CACNA1E: variants seen among roughly 807,000 people sequenced by gnomAD.
The protein encoded by CACNA1E is calcium voltage-gated channel subunit alpha1 E.
A neutral mutation model predicts 259.2 loss-of-function variants in CACNA1E; 40 were observed. The observed-to-expected ratio is 0.15, with a 90% confidence interval of 0.12 to 0.20. The LOEUF (loss-of-function observed/expected upper bound fraction) is 0.20, where lower values mean the gene tolerates loss of function less well. Among genes scored for constraint, CACNA1E ranks in the 10% least tolerant of loss-of-function variants. The pLI is 1.00. For synonymous variants in CACNA1E, 1,104 were observed against 1,138.5 expected (o/e 0.97, Z 0.61); for missense variants, 1,874 against 3,040.1 (o/e 0.62, Z 9.02).
At chr1:181,344,291 T>C (rs1416661777) in intron 1 of CACNA1E, among the ~76,000 whole-genome samples, 1 of 152,172 alleles carries the variant, frequency 6.6e-6, no homozygotes, top group Non-Finnish European at 1.5e-5. Context: ...AATCAGTACA[T>C]CAAACGTACT....
At chr1:181,327,861 TG>T (rs1650916291) in intron 1 of CACNA1E, among the ~76,000 whole-genome samples, 1 of 152,144 alleles carries the variant, frequency 6.6e-6, no homozygotes, top group Non-Finnish European at 1.5e-5. Flanking sequence ...CACAATTCTG[TG>T]GGTTGGCTGG....
chr1:181,657,813 G>A, intron 7 of CACNA1E, among the ~76,000 whole-genome samples: 1 of 152,226 alleles, frequency 6.6e-6, no homozygotes, highest in East Asian at 1.9e-4. Context: ...TGTTTATTTT[G>A]AGTGGAGAGT....
At chr1:181,763,230 G>C (rs541066188) in intron 33 of CACNA1E, among the ~76,000 whole-genome samples, 176 bp from the exon 34 acceptor site, 1 of 152,260 alleles carries the variant, frequency 6.6e-6, no homozygotes, top group South Asian at 2.1e-4. Context: ...GAGCAGGCAT[G>C]GGAAGGCTTA....
Position 181,783,918 on chromosome 1 carries a change from T to C in CACNA1E, c.5470+134T>C, listed in dbSNP as rs979535239. On this transcript the variant is annotated intron_variant, in intron 40 of 47. Coordinates refer to ENST00000367573, the MANE Select transcript of CACNA1E (RefSeq NM_001205293.3). The stretch of plus-strand genomic sequence containing the variant: ...ATAATGCAGTCATCTGAACATCAAG[T>C]ATCTGACTCAATAACTAATAATTGC... 12 of 583,020 alleles carry C rather than the reference T, an allele frequency of 2.1e-5. No individual in the cohort carries two copies. In the Admixed American group the frequency reaches 3.0e-4, roughly 14 times the overall value. The allele number at this position is 583,020 out of a possible 1,614,324, so 36.1% of individuals were successfully genotyped here.
rs547677804 is a variant in CACNA1E, at chr1:181,684,709, TCC to T, written c.1056-26243_1056-26242del. 1.1e-4 allele frequency among the ~76,000 whole-genome samples: 16 copies of T among 152,276 alleles called. No individual in the cohort carries two copies. The South Asian group carries it at 3.3e-3, about 32-fold the overall frequency. The stretch of plus-strand genomic sequence containing the variant: ...TCTTTTGCATATGGCTAACCAGCTA[TCC>T]CAGCACCGTTTATTGAATATGGAGT... On this transcript the variant is annotated intron_variant, in intron 7 of 47. Transcript: ENST00000367573.
chr1:181,386,906 G>T (rs897116370), intron 1 of CACNA1E, among the ~76,000 whole-genome samples: 1 of 152,216 alleles, frequency 6.6e-6, no homozygotes, highest in Non-Finnish European at 1.5e-5. Context: ...CACGCTTTGA[G>T]TGGGGACCGC....
At chr1:181,686,944 C>T (rs928287766) in intron 7 of CACNA1E, among the ~76,000 whole-genome samples, 2 of 152,084 alleles carry the variant, frequency 1.3e-5, no homozygotes, top group African/African-American at 4.8e-5. Context: ...TCCTGGGTGA[C>T]ATGTGGTGCC....
intron 6 of CACNA1E, among the ~76,000 whole-genome samples, chr1:181,622,843 C>T (rs1655846707): frequency 6.6e-6 from 1 of 152,078 alleles, no homozygotes; most frequent in African/African-American, 2.4e-5. Flanking sequence ...AGCCTGGATC[C>T]AGAAGATGCA....
intron 6 of CACNA1E, among the ~76,000 whole-genome samples, chr1:181,587,046 A>T (rs1324074982): frequency 6.6e-6 from 1 of 152,114 alleles, no homozygotes; most frequent in African/African-American, 2.4e-5. Context: ...GGATTGGCTT[A>T]GATAGGAGCT....
intron 1 of CACNA1E, among the ~76,000 whole-genome samples, chr1:181,341,997 C>T (rs1009201176): frequency 2.6e-5 from 4 of 152,112 alleles, no homozygotes; most frequent in Non-Finnish European, 5.9e-5. Context: ...TGGAAGGAAA[C>T]AGGACAAGGG....
rs1340061580 is a variant in CACNA1E, at chr1:181,805,082, AT to A, written c.*6249del. On this transcript the variant is annotated 3_prime_UTR_variant, in exon 48 of 48. Coordinates refer to ENST00000367573, the MANE Select transcript of CACNA1E (RefSeq NM_001205293.3). ...AACCCAGCATTGGAAATCTGAACGA[AT>A]CTTTTCTCTTTTTGTCCTACAAGTT... The A allele has an allele frequency of 6.6e-6, 1 of 152,066 alleles. No individual in the cohort carries two copies. The highest frequency in any genetic ancestry group is 1.9e-4 in the East Asian group (1 of 5,182). The allele number at this position is 152,066 out of a possible 1,614,324, so 9.4% of individuals were successfully genotyped here. A position where few individuals can be genotyped will look rare whatever the true frequency, so the allele number is the denominator to read the frequency against.
intron 2 of CACNA1E, among the ~76,000 whole-genome samples, chr1:181,415,416 A>C (rs893581767): frequency 6.6e-6 from 1 of 152,166 alleles, no homozygotes; most frequent in Non-Finnish European, 1.5e-5. Flanking sequence ...AAACCAGGGT[A>C]CACACATCAA....
At chr1:181,414,830 T>G (rs1658141854) in intron 2 of CACNA1E, among the ~76,000 whole-genome samples, 1 of 152,240 alleles carries the variant, frequency 6.6e-6, no homozygotes, top group African/African-American at 2.4e-5. Flanking sequence ...ACCCTGGCAG[T>G]CTGGTTGTGG....
At chr1:181,495,537 T>A (rs1013817635) in intron 1 of CACNA1E, among the ~76,000 whole-genome samples, 2 of 152,226 alleles carry the variant, frequency 1.3e-5, no homozygotes, top group African/African-American at 4.8e-5. Flanking sequence ...TATGGTTAAT[T>A]TCAGATACAT....
intron 2 of CACNA1E, among the ~76,000 whole-genome samples, chr1:181,431,773 T>A (rs1431865086): frequency 6.6e-6 from 1 of 152,174 alleles, no homozygotes; most frequent in Non-Finnish European, 1.5e-5. Flanking sequence ...TTCCTGCATT[T>A]TAAAATAGTC....
chr1:181,551,201 G>T (rs1648109417), intron 3 of CACNA1E, among the ~76,000 whole-genome samples: 1 of 152,168 alleles, frequency 6.6e-6, no homozygotes, highest in Non-Finnish European at 1.5e-5. Context: ...TCCTGTTGGG[G>T]AAGGACAAGG....
chr1:181,602,293 G>A (rs2103069441), intron 6 of CACNA1E, among the ~76,000 whole-genome samples: 1 of 152,326 alleles, frequency 6.6e-6, no homozygotes, highest in African/African-American at 2.4e-5. Context: ...CTGGCAGAAG[G>A]TAAGTACAGA....
At chr1:181,696,647 G>A (rs1651739515) in intron 7 of CACNA1E, among the ~76,000 whole-genome samples, 1 of 152,116 alleles carries the variant, frequency 6.6e-6, no homozygotes, top group Non-Finnish European at 1.5e-5. Context: ...GTGACCAGGT[G>A]TATGTATGCA....
Position 181,798,223 on chromosome 1 carries a change from C to T in CACNA1E, c.6400-69C>T. The T allele has an allele frequency of 1.5e-6, 2 of 1,316,978 alleles. No individual in the cohort carries two copies. Among genetic ancestry groups the T allele is most frequent in the Non-Finnish European group, 2.1e-6 (2 of 952,378 alleles). The allele number at this position is 1,316,978 out of a possible 1,614,324, so 81.6% of individuals were successfully genotyped here. A position where few individuals can be genotyped will look rare whatever the true frequency, so the allele number is the denominator to read the frequency against. On this transcript the variant is annotated intron_variant, in intron 47 of 47. Transcript: ENST00000367573. The surrounding 1 kb of genome is among the most constrained non-coding windows in gnomAD (Gnocchi z 4.2). ...ACAGAATTCAGATTCCAAGGACTCT[C>T]TTAACAGAGTTGCAAGTAGGGATCA... is the stretch of plus-strand genomic sequence containing the variant.
Sources: gnomAD v4.1 joint callset for allele counts (sites outside exome capture counted in the v4.1 genomes callset) on GRCh38, gnomAD v4.1.1 for gene constraint, Gnocchi (gnomAD v3.1) non-coding constraint, MANE v1.5 for transcripts, NCBI Gene and HGNC (gene_info 2026-07-23, HGNC 2026-07-21) for gene names.